GRAMD4: variants seen among roughly 807,000 people sequenced by gnomAD.
GRAMD4 encodes the protein GRAM domain-containing protein 4.
Under a neutral mutation model 83.9 loss-of-function variants are expected in GRAMD4, and 25 were observed. That is an observed-to-expected ratio of 0.30 (90% confidence interval 0.22 to 0.42). The LOEUF (loss-of-function observed/expected upper bound fraction) is 0.42, where lower values mean the gene tolerates loss of function less well. Ranked by LOEUF, GRAMD4 falls within the 10% of genes least tolerant of loss-of-function variation. The pLI is 1.00. For synonymous variants in GRAMD4, 336 were observed against 320.9 expected, an observed-to-expected ratio of 1.05 and a Z score of -0.50; for missense variants, 593 against 788.7, an observed-to-expected ratio of 0.75 and a Z score of 2.97.
At chr22:46,615,612 G>A (rs570148542), upstream of GRAMD4, among the ~76,000 whole-genome samples, 2 of 76,754 alleles carry the variant, frequency 2.6e-5, no homozygotes, top group Non-Finnish European at 5.0e-5. Flanking sequence ...TAGGTTCCCC[G>A]TGCGTGTAGG....
intron 3 of GRAMD4, among the ~76,000 whole-genome samples, chr22:46,643,272 CATCCATCT>C (rs1194104554): frequency 1.3e-5 from 2 of 149,430 alleles, no homozygotes; most frequent in East Asian, 3.9e-4. Context: ...TCCATCCGTC[CATCCATCT>C]ATCCATCCAT....
intron 1 of GRAMD4, among the ~76,000 whole-genome samples, chr22:46,582,839 A>G (rs1469472317): frequency 3.3e-5 from 5 of 152,194 alleles, no homozygotes; most frequent in African/African-American, 4.8e-5. Flanking sequence ...CATCACCACA[A>G]TCGAAACCCA....
chr22:46,674,150 C>A (rs988589727), intron 15 of GRAMD4, among the ~76,000 whole-genome samples: 3 of 152,234 alleles, frequency 2.0e-5, no homozygotes, highest in African/African-American at 7.2e-5. Flanking sequence ...CTGGTTCCAT[C>A]GTGTCTGGAG....
intron 11 of GRAMD4, 129 bp downstream of exon 11, chr22:46,668,296 C>A: frequency 1.6e-6 from 1 of 641,990 alleles, no homozygotes; most frequent in Non-Finnish European, 2.8e-6. Context: ...CCGTGCCTGA[C>A]ACTGCAGGCC....
intron 3 of GRAMD4, among the ~76,000 whole-genome samples, chr22:46,657,669 C>T (rs2082264164): frequency 6.6e-6 from 1 of 152,230 alleles, no homozygotes; most frequent in African/African-American, 2.4e-5. Context: ...AGCCCTGTGT[C>T]CAGCCTGCCC....
rs376578599 is a variant in GRAMD4, at chr22:46,679,472, C to T, written c.*2221C>T. ...GGAGCGGAGCGCGGATCGGCACGGG[C>T]TCTGGGCTCCCCGTGGAGAGAAGCT... On this transcript the variant is annotated 3_prime_UTR_variant, in exon 19 of 19. Transcript: ENST00000406902. 11 of 985,558 alleles carry T rather than the reference C, an allele frequency of 1.1e-5. No homozygotes were observed. Among genetic ancestry groups the T allele is most frequent in the East Asian group, 2.3e-4 (2 of 8,812 alleles). The allele number at this position is 985,558 out of a possible 1,614,324, so 61.1% of individuals were successfully genotyped here. A position where few individuals can be genotyped will look rare whatever the true frequency, so the allele number is the denominator to read the frequency against.
At chr22:46,641,315 C>G (rs920293757) in intron 3 of GRAMD4, among the ~76,000 whole-genome samples, 1 of 152,254 alleles carries the variant, frequency 6.6e-6, no homozygotes. Context: ...TCAGGTGATC[C>G]GCCTGTGTCA....
chr22:46,623,323 G>C (rs1383746972), intron 1 of GRAMD4, among the ~76,000 whole-genome samples: 1 of 152,236 alleles, frequency 6.6e-6, no homozygotes, highest in Non-Finnish European at 1.5e-5. Context: ...GCCGGTTGAG[G>C]GGGCGTCTGT....
intron 2 of GRAMD4, among the ~76,000 whole-genome samples, chr22:46,634,080 C>T (rs2081820975): frequency 6.6e-6 from 1 of 152,380 alleles, no homozygotes; most frequent in South Asian, 2.1e-4. Context: ...CCCTCTGTAC[C>T]TTCAAGGAGC....
chr22:46,597,276 GGTTT>G (rs1255726091), intron 1 of GRAMD4, among the ~76,000 whole-genome samples: 3 of 152,102 alleles, frequency 2.0e-5, no homozygotes, highest in Non-Finnish European at 4.4e-5. Flanking sequence ...TTTTAAAGAG[GGTTT>G]GTTTAAGTTG....
At chr22:46,578,580 GAAGTCTGA>G (rs755641228) in intron 1 of GRAMD4, among the ~76,000 whole-genome samples, 43 of 152,294 alleles carry the variant, frequency 2.8e-4, no homozygotes, top group Non-Finnish European at 5.6e-4. Flanking sequence ...GGCTGAGCCT[GAAGTCTGA>G]AGTCTGTCTT....
intron 1 of GRAMD4, among the ~76,000 whole-genome samples, chr22:46,584,767 C>T (rs1241020592): frequency 6.6e-6 from 1 of 152,206 alleles, no homozygotes; most frequent in Non-Finnish European, 1.5e-5. Flanking sequence ...CCAGGGACTT[C>T]CCTGCTGTGC....
chr22:46,581,073 T>C (rs1294062443), intron 1 of GRAMD4, among the ~76,000 whole-genome samples: 2 of 152,144 alleles, frequency 1.3e-5, no homozygotes, highest in East Asian at 3.8e-4. Context: ...GGCAGAGGCC[T>C]GGGCGGACAC....
rs563730779 is a variant in GRAMD4 at position 46,631,061 on chromosome 22, C to T, written c.162+4100C>T. Reference sequence around the variant, plus strand: ...GCCCCGAGGGGCAAGACGGCAGTGCCGAGTGGCTGTAGGTTGCACGGCTTT... The same window carrying T: ...GCCCCGAGGGGCAAGACGGCAGTGCTGAGTGGCTGTAGGTTGCACGGCTTT... On this transcript the variant is annotated intron_variant, in intron 2 of 18. Transcript: ENST00000406902. Among the ~76,000 whole-genome samples, 47 of 152,368 alleles carry T rather than the reference C, an allele frequency of 3.1e-4. 1 individual carries two copies. Among genetic ancestry groups the T allele is most frequent in the African/African-American group, 1.1e-3 (47 of 41,586 alleles).
rs760752380 is a variant in GRAMD4 at position 46,663,066 on chromosome 22, C to T, written c.493C>T (p.Arg165Cys). The T allele has an allele frequency of 4.3e-6, 7 of 1,611,650 alleles. No individual in the cohort carries two copies. Among genetic ancestry groups the T allele is most frequent in the South Asian group, 1.1e-5 (1 of 91,030 alleles). ...AERRSQGLSS[R>C]LQKWFYERFG... ...GCGCCGGAGCCAGGGGCTGTCCTCGCGCCTGCAGAAGTGGTTCTACGAGCG... is the reference window on the plus strand; with the variant it reads ...GCGCCGGAGCCAGGGGCTGTCCTCGTGCCTGCAGAAGTGGTTCTACGAGCG... The change falls in exon 6 of 19, where the codon CGC (arginine) becomes TGC (cysteine). Residue 165 changes from arginine (R) to cysteine (C), a missense_variant. This residue lies in a region of GRAMD4 where 312 missense variants were observed against 350.7 expected (regional missense o/e 0.89). Coordinates refer to ENST00000406902, the MANE Select transcript of GRAMD4 (RefSeq NM_015124.5).
rs192428043 is a variant in GRAMD4, at chr22:46,642,320, T to A, written c.283+4360T>A. Among the ~76,000 whole-genome samples the A allele has an allele frequency of 9.1e-4, 138 of 152,358 alleles. 1 individual carries two copies. The highest frequency in any genetic ancestry group is 3.1e-3 in the African/African-American group (130 of 41,584). ...CTCCATGGGGATCCTGGGGCATTGA[T>A]GGCCGCTGGTGACCTGTCGTGTGTG... On this transcript the variant is annotated intron_variant, in intron 3 of 18. Coordinates refer to ENST00000406902, the MANE Select transcript of GRAMD4 (RefSeq NM_015124.5).
chr22:46,645,119 G>A (rs913653239), intron 3 of GRAMD4, among the ~76,000 whole-genome samples: 5 of 151,704 alleles, frequency 3.3e-5, no homozygotes, highest in Non-Finnish European at 4.4e-5. Context: ...ATAGTTCTTC[G>A]CAGGCTGTCT....
chr22:46,675,615 C>A (rs9616094), intron 17 of GRAMD4, 63 bp downstream of exon 17: 1 of 1,086,596 alleles, frequency 9.2e-7, no homozygotes, highest in Non-Finnish European at 1.4e-6. Flanking sequence ...CAGAGGCTGG[C>A]GAGGCTTTCC....
intron 9 of GRAMD4, among the ~76,000 whole-genome samples, chr22:46,666,580 G>A (rs1353273190): frequency 1.3e-5 from 2 of 152,078 alleles, no homozygotes; most frequent in African/African-American, 4.8e-5. Context: ...CCACACCGCT[G>A]GCCACTTTTA....
Sources: allele counts gnomAD v4.1 joint callset (sites outside exome capture counted in the v4.1 genomes callset), GRCh38; gene constraint gnomAD v4.1.1; regional missense constraint gnomAD v4.1.1; transcripts MANE v1.5; gene names NCBI Gene and HGNC (gene_info 2026-07-23, HGNC 2026-07-21).